The following ZSWIM6 variants were observed in gnomAD, a reference collection of about 807,000 sequenced individuals.
ZSWIM6 encodes zinc finger SWIM-type containing 6.
Under a neutral mutation model 113.2 loss-of-function variants are expected in ZSWIM6, and 9 were observed. That is an observed-to-expected ratio of 0.08 (90% CI 0.05 to 0.14). The LOEUF (loss-of-function observed/expected upper bound fraction) is 0.14. Among genes scored for constraint, ZSWIM6 ranks in the 10% least tolerant of loss-of-function variants. The probability of loss-of-function intolerance (pLI) is 1.00; values close to 1 mark genes in which losing one functional copy is unlikely to be tolerated. For synonymous variants in ZSWIM6, 611 were observed against 606.5 expected (o/e 1.01, Z -0.11); for missense variants, 1,162 against 1,552.2 (o/e 0.75, Z 4.22).
chr5:61,419,240 G>T (rs1381631484), intron 1 of ZSWIM6, among the ~76,000 whole-genome samples: 2 of 152,210 alleles, frequency 1.3e-5, no homozygotes, highest in African/African-American at 4.8e-5. Flanking sequence ...CTATCAACAT[G>T]CCTTGGTGTC....
At chr5:61,394,577 C>T (rs1745800713) in intron 1 of ZSWIM6, among the ~76,000 whole-genome samples, 2 of 152,128 alleles carry the variant, frequency 1.3e-5, no homozygotes, top group African/African-American at 2.4e-5. Flanking sequence ...ACATTAAGTA[C>T]CCTCTGAATG....
rs970319219 is a variant in ZSWIM6 at position 61,538,945 on chromosome 5, C to T, written c.2513C>T (p.Ala838Val). The T allele has an allele frequency of 1.3e-6, 2 of 1,551,794 alleles. No individual in the cohort carries two copies. The highest frequency in any genetic ancestry group is 2.7e-5 in the African/African-American group (2 of 73,052). The change falls in exon 11 of 14, where the codon GCA becomes GTA. Residue 838 changes from alanine to valine, a missense_variant. Physicochemically the swap from Ala to Val is moderately conservative, Grantham distance 64. Coordinates refer to ENST00000252744, the MANE Select transcript of ZSWIM6 (RefSeq NM_020928.2). The part of the protein sequence containing the change: ...SHIESQQCEL[A>V]STMLTAAKGD... Reference sequence around the variant, plus strand: ...ATTGAGTCCCAGCAGTGTGAGCTGGCATCCACCATGCTAACTGCAGCCAAA... The same window carrying T: ...ATTGAGTCCCAGCAGTGTGAGCTGGTATCCACCATGCTAACTGCAGCCAAA...
At position 61,521,250 on chromosome 5, in the gene ZSWIM6, T is replaced by G; in HGVS notation, c.1334-13T>G. ...TTTTTGAACATTTATTTTCCTTTCC[T>G]CCTTTAAATTAGGTGCTCTGTGGAT... On this transcript the variant is annotated splice_polypyrimidine_tract_variant and intron_variant, in intron 4 of 13. Coordinates refer to ENST00000252744, the MANE Select transcript of ZSWIM6 (RefSeq NM_020928.2). The G allele has an allele frequency of 7.7e-7, 1 of 1,294,528 alleles. No individual in the cohort carries two copies. Among genetic ancestry groups the G allele is most frequent in the South Asian group, 2.9e-5 (1 of 34,486 alleles). 80.2% of individuals were successfully genotyped at this position (1,294,528 alleles called of 1,614,324 possible).
At chr5:61,356,472 A>G (rs1266427883) in intron 1 of ZSWIM6, among the ~76,000 whole-genome samples, 2 of 151,804 alleles carry the variant, frequency 1.3e-5, no homozygotes, top group Non-Finnish European at 2.9e-5. Flanking sequence ...CTGGTAAAAT[A>G]CAATGAATGC....
At chr5:61,452,978 C>G (rs866403717) in intron 1 of ZSWIM6, among the ~76,000 whole-genome samples, 1 of 152,110 alleles carries the variant, frequency 6.6e-6, no homozygotes, top group African/African-American at 2.4e-5. Flanking sequence ...CGATGCTTTT[C>G]TTATGATTAG....
chr5:61,372,750 T>C (rs1027077213), intron 1 of ZSWIM6, among the ~76,000 whole-genome samples: 1 of 152,236 alleles, frequency 6.6e-6, no homozygotes, highest in African/African-American at 2.4e-5. Context: ...ACTATTTTCC[T>C]TTCAAACCTG....
chr5:61,407,934 A>T (rs1186755367), intron 1 of ZSWIM6, among the ~76,000 whole-genome samples: 2 of 152,220 alleles, frequency 1.3e-5, no homozygotes, highest in Non-Finnish European at 2.9e-5. Flanking sequence ...AGTGGAGGAC[A>T]GTTTGCTGTT....
chr5:61,436,062 G>A (rs774514927), intron 1 of ZSWIM6, among the ~76,000 whole-genome samples: 29 of 152,068 alleles, frequency 1.9e-4, no homozygotes, highest in African/African-American at 4.8e-4. Flanking sequence ...TTAGCCGGGC[G>A]TGGTGGTGCA....
At chr5:61,522,375 G>A (rs943604226) in intron 5 of ZSWIM6, among the ~76,000 whole-genome samples, 8 of 152,104 alleles carry the variant, frequency 5.3e-5, no homozygotes, top group Non-Finnish European at 1.2e-4. Flanking sequence ...AGCAAGGTGG[G>A]AATTAAATAA....
At chr5:61,405,125 AG>A (rs1746019243) in intron 1 of ZSWIM6, among the ~76,000 whole-genome samples, 1 of 152,192 alleles carries the variant, frequency 6.6e-6, no homozygotes, top group Non-Finnish European at 1.5e-5. Flanking sequence ...CCTGTTGTAG[AG>A]GTTAGTTGCT....
chr5:61,446,026 G>T (rs1746945567), intron 1 of ZSWIM6, among the ~76,000 whole-genome samples: 1 of 152,206 alleles, frequency 6.6e-6, no homozygotes, highest in African/African-American at 2.4e-5. Flanking sequence ...AACGTAGTAT[G>T]AAACAAAGCA....
intron 1 of ZSWIM6, among the ~76,000 whole-genome samples, chr5:61,441,886 C>G (rs1340819791): frequency 6.6e-6 from 1 of 152,128 alleles, no homozygotes; most frequent in African/African-American, 2.4e-5. Context: ...ACACAGAAAG[C>G]CTATCACTGA....
chr5:61,533,910 C>T (rs929277364), intron 9 of ZSWIM6, among the ~76,000 whole-genome samples: 2 of 152,182 alleles, frequency 1.3e-5, no homozygotes, highest in Non-Finnish European at 2.9e-5. Context: ...GGCACTCTTC[C>T]TGTCTTGAAG....
At chr5:61,516,104 T>C (rs193151119) in intron 4 of ZSWIM6, among the ~76,000 whole-genome samples, 1 of 152,002 alleles carries the variant, frequency 6.6e-6, no homozygotes, top group East Asian at 1.9e-4. Context: ...TCTTGTTTTT[T>C]AGCCTGATTT....
At chr5:61,482,327 A>G (rs1457480652) in intron 2 of ZSWIM6, among the ~76,000 whole-genome samples, 2 of 151,840 alleles carry the variant, frequency 1.3e-5, no homozygotes, top group African/African-American at 4.8e-5. Flanking sequence ...GGAGGGGAAC[A>G]TCACACACCG....
In ZSWIM6 at chr5:61,383,278, C is replaced by T. The variant is rs142269763; in HGVS notation, c.676+50330C>T. Reference sequence around the variant, plus strand: ...TAACTAGGTACAGTCAACAAAGAGACTAGGCAGCTGACAAGCAGCCCCCAC... The same window carrying T: ...TAACTAGGTACAGTCAACAAAGAGATTAGGCAGCTGACAAGCAGCCCCCAC... On this transcript the variant is annotated intron_variant, in intron 1 of 13. Coordinates refer to ENST00000252744, the MANE Select transcript of ZSWIM6 (RefSeq NM_020928.2). Among the ~76,000 whole-genome samples, 355 of 152,306 alleles carry T rather than the reference C, an allele frequency of 2.3e-3. 1 individual carries two copies. Among genetic ancestry groups the T allele is most frequent in the African/African-American group, 7.8e-3 (326 of 41,564 alleles).
intron 1 of ZSWIM6, among the ~76,000 whole-genome samples, chr5:61,455,397 T>A (rs1297504165): frequency 2.0e-5 from 3 of 152,132 alleles, no homozygotes; most frequent in Non-Finnish European, 4.4e-5. Context: ...TTCACCAATA[T>A]CCCCGCACTG....
rs1244435055 is a variant in ZSWIM6 at position 61,428,852 on chromosome 5, A to C, written c.677-43829A>C. ...TTCTGATCTGCTTTCAGTAGTCTTT[A>C]CATGTTTGATTTCTGGGTAGTTTTG... On this transcript the variant is annotated intron_variant, in intron 1 of 13. Coordinates refer to ENST00000252744, the MANE Select transcript of ZSWIM6 (RefSeq NM_020928.2). 2.6e-5 allele frequency among the ~76,000 whole-genome samples: 4 copies of C among 152,108 alleles called. No homozygotes were observed. In the East Asian group the frequency reaches 7.7e-4, roughly 29 times the overall value.
chr5:61,521,057 T>G (rs1465963649), intron 4 of ZSWIM6, among the ~76,000 whole-genome samples: 2 of 152,114 alleles, frequency 1.3e-5, no homozygotes, highest in African/African-American at 4.8e-5. Context: ...TTAAGGAGAA[T>G]TAAGTTATAA....
Sources: allele counts gnomAD v4.1 joint callset (sites outside exome capture counted in the v4.1 genomes callset), GRCh38; gene constraint gnomAD v4.1.1; transcripts MANE v1.5; gene names NCBI Gene and HGNC (gene_info 2026-07-23, HGNC 2026-07-21).